NR5A2: variants seen among roughly 807,000 people sequenced by gnomAD.
NR5A2 encodes nuclear receptor subfamily 5 group A member 2, also known as CYP7A promoter-binding factor.
A neutral mutation model predicts 62.7 loss-of-function variants in NR5A2; 26 were observed. The ratio of observed to expected loss-of-function variants is 0.41; its 90% CI spans 0.30 to 0.58. NR5A2 has a LOEUF of 0.58. Among genes scored for constraint, NR5A2 ranks in the 20% least tolerant of loss-of-function variants. NR5A2 has a pLI of 0.22. For missense variants in NR5A2, 541 were observed against 669.1 expected (o/e 0.81, Z 2.11); for synonymous variants, 246 against 241.7 (o/e 1.02, Z -0.16).
intron 7 of NR5A2, among the ~76,000 whole-genome samples, chr1:200,138,027 T>C (rs532255334): frequency 1.4e-4 from 22 of 152,354 alleles, no homozygotes; most frequent in Admixed American, 7.8e-4. Flanking sequence ...AACAGGTTGA[T>C]GTGCCATTTT....
rs544557421 is a variant in NR5A2 at position 200,039,261 on chromosome 1, G to A, written c.65-397G>A. On this transcript the variant is annotated intron_variant, in intron 1 of 7. Coordinates refer to ENST00000367362, the MANE Select transcript of NR5A2 (RefSeq NM_205860.3). The surrounding 1 kb of genome is among the most constrained non-coding windows in gnomAD (Gnocchi z 5.1). ...CAGAGGGCGGTGGAGGGAGGGGAAG[G>A]AGTCGCCCGAGCCGTCCGGGAGCAG... is the stretch of plus-strand genomic sequence containing the variant. Among the ~76,000 whole-genome samples the A allele has an allele frequency of 1.3e-5, 2 of 152,230 alleles. No individual in the cohort carries two copies. The highest frequency in any genetic ancestry group is 4.1e-4 in the South Asian group (2 of 4,824).
intron 6 of NR5A2, 122 bp downstream of exon 6, chr1:200,111,443 A>G: frequency 9.1e-7 from 1 of 1,098,122 alleles, no homozygotes; most frequent in Admixed American, 2.9e-5. Flanking sequence ...GGCTGCCAAT[A>G]ATTTAGAAAA....
At chr1:200,124,834 A>T (rs1193375203) in intron 7 of NR5A2, among the ~76,000 whole-genome samples, 1 of 152,154 alleles carries the variant, frequency 6.6e-6, no homozygotes, top group Non-Finnish European at 1.5e-5. Flanking sequence ...TGGGAGGATG[A>T]GGTGGGAGGA....
chr1:200,045,378 A>G, intron 3 of NR5A2, 65 bp from the exon 4 acceptor site: 1 of 1,422,296 alleles, frequency 7.0e-7, no homozygotes. Context: ...TTTTCTTAAA[A>G]TGAAACAATG....
intron 7 of NR5A2, among the ~76,000 whole-genome samples, chr1:200,153,057 G>A (rs1328623635): frequency 6.6e-6 from 1 of 152,170 alleles, no homozygotes. Context: ...AATAATTCAT[G>A]CATTGCCAAT....
In NR5A2 at chr1:200,043,808, T is replaced by C. The variant is rs566192787; in HGVS notation, c.237T>C (p.Asp79=). The C allele has an allele frequency of 3.7e-6, 6 of 1,613,376 alleles. No individual in the cohort carries two copies. In the African/African-American group the frequency reaches 5.3e-5, roughly 14 times the overall value. ...SQFKMVNYSY[D]EDLEELCPVC... Reference sequence around the variant, plus strand: ...TTAAAATGGTGAATTACTCCTATGATGAAGATCTGGAAGAGCTTTGTCCCG... The same window carrying C: ...TTAAAATGGTGAATTACTCCTATGACGAAGATCTGGAAGAGCTTTGTCCCG... The change falls in exon 3 of 8, where the codon GAT becomes GAC. Residue 79 remains aspartate, a synonymous_variant. Coordinates refer to ENST00000367362, the MANE Select transcript of NR5A2 (RefSeq NM_205860.3).
Position 200,097,653 on chromosome 1 carries a change from G to C in NR5A2, c.1111-13549G>C, listed in dbSNP as rs1008040475. 4.6e-5 allele frequency among the ~76,000 whole-genome samples: 7 copies of C among 152,286 alleles called. No individual in the cohort carries two copies. In the South Asian group the frequency reaches 8.3e-4, roughly 18 times the overall value. ...CAGTGAGTAAAGGAAAGGCTATCTAGAAATATGGAAGACATAAAGGGATTG... is the reference window on the plus strand; with the variant it reads ...CAGTGAGTAAAGGAAAGGCTATCTACAAATATGGAAGACATAAAGGGATTG... On this transcript the variant is annotated intron_variant, in intron 5 of 7. Coordinates refer to ENST00000367362, the MANE Select transcript of NR5A2 (RefSeq NM_205860.3).
At chr1:200,117,566 T>C (rs1470042585) in intron 6 of NR5A2, among the ~76,000 whole-genome samples, 1 of 152,204 alleles carries the variant, frequency 6.6e-6, no homozygotes, top group Non-Finnish European at 1.5e-5. Context: ...GAAATTCTTG[T>C]ATTTGAACTT....
chr1:200,141,469 T>C (rs1667441664), intron 7 of NR5A2, among the ~76,000 whole-genome samples: 1 of 152,248 alleles, frequency 6.6e-6, no homozygotes, highest in Admixed American at 6.5e-5. Context: ...TGTAGTGTTC[T>C]TTGGTATGGA....
In NR5A2 at chr1:200,109,632, G is replaced by A. The variant is rs79517575; in HGVS notation, c.1111-1570G>A. Among the ~76,000 whole-genome samples the A allele has an allele frequency of 3.5e-4, 54 of 152,290 alleles. 1 individual carries two copies. In the East Asian group the frequency reaches 0.01, roughly 28 times the overall value. ...AACTCTTATCACTACTAATATATCA[G>A]TGACAGCTATTCAGAGTCTTATGGA... On this transcript the variant is annotated intron_variant, in intron 5 of 7. Coordinates refer to ENST00000367362, the MANE Select transcript of NR5A2 (RefSeq NM_205860.3).
At chr1:200,061,498 G>C (rs1377019126) in intron 5 of NR5A2, among the ~76,000 whole-genome samples, 3 of 151,998 alleles carry the variant, frequency 2.0e-5, no homozygotes, top group Admixed American at 6.6e-5. Flanking sequence ...GGCTGGTCTT[G>C]AACTCCCGAC....
chr1:200,104,959 G>A (rs1558141378), intron 5 of NR5A2, among the ~76,000 whole-genome samples: 1 of 152,184 alleles, frequency 6.6e-6, no homozygotes, highest in East Asian at 1.9e-4. Context: ...CACCATGCCT[G>A]GCCTTTTTTT....
At chr1:200,120,156 GAAT>G (rs1666418980) in intron 6 of NR5A2, among the ~76,000 whole-genome samples, 1 of 151,990 alleles carries the variant, frequency 6.6e-6, no homozygotes, top group Non-Finnish European at 1.5e-5. Context: ...GTTCTATAAA[GAAT>G]AATTTAAATG....
chr1:200,073,748 T>C (rs1663866082), intron 5 of NR5A2, among the ~76,000 whole-genome samples: 1 of 152,010 alleles, frequency 6.6e-6, no homozygotes, highest in African/African-American at 2.4e-5. Context: ...CCACAGTTTC[T>C]TGATTAATTA....
chr1:200,109,036 A>G (rs1665821179), intron 5 of NR5A2, among the ~76,000 whole-genome samples: 1 of 152,150 alleles, frequency 6.6e-6, no homozygotes, highest in Admixed American at 6.5e-5. Flanking sequence ...ACCACTAAAT[A>G]CTGTTTGGGT....
chr1:200,093,081 G>C (rs1664897423), intron 5 of NR5A2, among the ~76,000 whole-genome samples: 1 of 151,736 alleles, frequency 6.6e-6, no homozygotes, highest in African/African-American at 2.4e-5. Flanking sequence ...AGTACAATTA[G>C]ACTTGTAGTT....
At chr1:200,156,316 T>C (rs1241757945) in intron 7 of NR5A2, among the ~76,000 whole-genome samples, 1 of 152,232 alleles carries the variant, frequency 6.6e-6, no homozygotes, top group Non-Finnish European at 1.5e-5. Flanking sequence ...CAGAATATTA[T>C]GACTACTGAA....
intron 7 of NR5A2, among the ~76,000 whole-genome samples, chr1:200,164,837 C>T (rs926329434): frequency 9.3e-5 from 14 of 149,744 alleles, no homozygotes; most frequent in African/African-American, 3.0e-4. Flanking sequence ...CATGAGTCAC[C>T]GCACCTGGCC....
intron 7 of NR5A2, among the ~76,000 whole-genome samples, chr1:200,162,748 A>T (rs149133278): frequency 3.3e-5 from 5 of 152,322 alleles, no homozygotes; most frequent in Non-Finnish European, 7.3e-5. Flanking sequence ...GGGAGGAGTC[A>T]TGAATGAATC....
Sources: allele counts gnomAD v4.1 joint callset (sites outside exome capture counted in the v4.1 genomes callset), GRCh38; gene constraint gnomAD v4.1.1; non-coding constraint Gnocchi (gnomAD v3.1); transcripts MANE v1.5; gene names NCBI Gene and HGNC (gene_info 2026-07-23, HGNC 2026-07-21).